The following DAB1 variants were observed in gnomAD, a reference collection of about 807,000 sequenced individuals.
The protein encoded by DAB1 is DAB adaptor protein 1.
Under a neutral mutation model 64.6 loss-of-function variants are expected in DAB1, and 15 were observed. The observed-to-expected ratio is 0.23, with a 90% confidence interval of 0.16 to 0.36. The LOEUF is 0.36. Among genes scored for constraint, DAB1 ranks in the 10% least tolerant of loss-of-function variants. The pLI is 1.00. For synonymous variants in DAB1, 235 were observed against 251.9 expected, an observed-to-expected ratio of 0.93 and a Z score of 0.64; for missense variants, 596 against 706.7, an observed-to-expected ratio of 0.84 and a Z score of 1.78.
chr1:58,430,340 C>A (rs1294833519), intron 3 of DAB1, among the ~76,000 whole-genome samples: 1 of 133,230 alleles, frequency 7.5e-6, no homozygotes, highest in East Asian at 1.9e-4. Context: ...GAGTGGAGGA[C>A]TTCAATCAGA....
chr1:57,008,674 A>C (rs1308672407), intron 14 of DAB1, among the ~76,000 whole-genome samples: 3 of 152,192 alleles, frequency 2.0e-5, no homozygotes, highest in Non-Finnish European at 2.9e-5. Flanking sequence ...GAACTCAAAC[A>C]ATGTTGTTCC....
At chr1:57,317,218 C>T (rs368951073) in intron 1 of DAB1, among the ~76,000 whole-genome samples, 6 of 152,262 alleles carry the variant, frequency 3.9e-5, no homozygotes, top group African/African-American at 1.4e-4. Flanking sequence ...GGTCCACCAA[C>T]GGCCCCTTGA....
At chr1:57,665,951 A>G (rs1052676216) in intron 6 of DAB1, among the ~76,000 whole-genome samples, 3 of 151,760 alleles carry the variant, frequency 2.0e-5, no homozygotes, top group African/African-American at 7.2e-5. Context: ...TCAATGTTGA[A>G]AACTCCCTTT....
At chr1:57,566,526 T>G (rs1482115994) in intron 7 of DAB1, among the ~76,000 whole-genome samples, 2 of 152,004 alleles carry the variant, frequency 1.3e-5, no homozygotes, top group African/African-American at 4.8e-5. Context: ...GATAGACCGC[T>G]AGCAAGATTA....
At chr1:57,788,539 C>T (rs906391376) in intron 6 of DAB1, among the ~76,000 whole-genome samples, 1 of 152,134 alleles carries the variant, frequency 6.6e-6, no homozygotes, top group Non-Finnish European at 1.5e-5. Flanking sequence ...AGAGCACTAA[C>T]CACAAAGAAG....
chr1:58,410,848 TG>T (rs1569740635), intron 3 of DAB1, among the ~76,000 whole-genome samples: 1 of 152,224 alleles, frequency 6.6e-6, no homozygotes, highest in East Asian at 1.9e-4. Flanking sequence ...CAATAGACTG[TG>T]GTGGTAAACC....
At chr1:57,476,735 A>AT (rs1643943606) in intron 7 of DAB1, among the ~76,000 whole-genome samples, 1 of 152,206 alleles carries the variant, frequency 6.6e-6, no homozygotes, top group African/African-American at 2.4e-5. Flanking sequence ...TAATTGCAAC[A>AT]TGGTATAAAA....
Position 58,421,791 on chromosome 1 carries a change from G to A in DAB1, n.258-78388C>T, listed in dbSNP as rs185844475. On this transcript the variant is annotated intron_variant and non_coding_transcript_variant, in intron 3 of 20. Transcript: ENST00000485760. ...ATGCTTAACTTGCAGAAGAGAAGTCGCAGAGATAAGAGAGCGGTCTTCTCA... is the reference window on the plus strand; with the variant it reads ...ATGCTTAACTTGCAGAAGAGAAGTCACAGAGATAAGAGAGCGGTCTTCTCA... Among the ~76,000 whole-genome samples the A allele has an allele frequency of 4.6e-5, 7 of 152,304 alleles. No homozygotes were observed. The East Asian group carries it at 1.2e-3, about 25-fold the overall frequency.
chr1:57,168,369 TCA>T (rs1270132152), intron 2 of DAB1, among the ~76,000 whole-genome samples: 1 of 152,224 alleles, frequency 6.6e-6, no homozygotes, highest in African/African-American at 2.4e-5. Context: ...CTTGTGGAGA[TCA>T]CAGTCTTTCC....
At chr1:57,243,125 T>TA (rs1227740636) in intron 2 of DAB1, among the ~76,000 whole-genome samples, 1 of 152,232 alleles carries the variant, frequency 6.6e-6, no homozygotes, top group African/African-American at 2.4e-5. Flanking sequence ...CAAAGCCTGT[T>TA]AACAGCACTA....
At chr1:58,330,958 C>A (rs1439939880) in intron 4 of DAB1, among the ~76,000 whole-genome samples, 1 of 152,192 alleles carries the variant, frequency 6.6e-6, no homozygotes, top group African/African-American at 2.4e-5. Flanking sequence ...ATGATTTTGA[C>A]TTTCAAGTCT....
chr1:57,315,819 T>C (rs1032795856), intron 1 of DAB1, among the ~76,000 whole-genome samples: 1 of 152,200 alleles, frequency 6.6e-6, no homozygotes, highest in Non-Finnish European at 1.5e-5. Context: ...ATATGATCTT[T>C]AAGAAACACC....
intron 5 of DAB1, 81 bp downstream of exon 5, chr1:57,072,202 G>A: frequency 6.8e-7 from 1 of 1,466,200 alleles, no homozygotes; most frequent in Non-Finnish European, 9.4e-7. Context: ...CTGAGAGTGG[G>A]CCCTCAAAGA....
At chr1:57,760,728 A>G (rs1463458549) in intron 6 of DAB1, among the ~76,000 whole-genome samples, 1 of 151,998 alleles carries the variant, frequency 6.6e-6, no homozygotes, top group African/African-American at 2.4e-5. Context: ...TGTTTTGCAG[A>G]TTGGATCCAG....
At chr1:57,782,456 T>A (rs1650145517) in intron 6 of DAB1, among the ~76,000 whole-genome samples, 1 of 152,166 alleles carries the variant, frequency 6.6e-6, no homozygotes. Flanking sequence ...CCACGATGTC[T>A]CGATCTGTGC....
intron 8 of DAB1, among the ~76,000 whole-genome samples, chr1:57,063,281 G>A (rs766197615): frequency 2.6e-5 from 4 of 152,152 alleles, no homozygotes; most frequent in Admixed American, 6.5e-5. Context: ...AAAATGAGGC[G>A]TAGGGAGGTG....
At chr1:57,099,249 C>T (rs1654452128) in intron 4 of DAB1, among the ~76,000 whole-genome samples, 1 of 152,190 alleles carries the variant, frequency 6.6e-6, no homozygotes, top group Non-Finnish European at 1.5e-5. Flanking sequence ...TCTCTCCAAG[C>T]CTCAGTTTCA....
At chr1:57,884,176 A>AT (rs1370638391), upstream of DAB1, 1 of 152,306 alleles carries the variant, frequency 6.6e-6, no homozygotes, top group Non-Finnish European at 1.5e-5. Context: ...CAATGAAAAA[A>AT]CGATGTCAAT....
intron 7 of DAB1, among the ~76,000 whole-genome samples, chr1:57,574,208 T>C (rs1050880483): frequency 6.6e-6 from 1 of 152,134 alleles, no homozygotes; most frequent in Non-Finnish European, 1.5e-5. Context: ...CAGGTAGTCG[T>C]AGTCCTTTTG....
Sources: allele counts gnomAD v4.1 joint callset (sites outside exome capture counted in the v4.1 genomes callset), GRCh38; gene constraint gnomAD v4.1.1; transcripts MANE v1.5; gene names NCBI Gene and HGNC (gene_info 2026-07-23, HGNC 2026-07-21).